ADCY3: variants seen among roughly 807,000 people sequenced by gnomAD.
ADCY3 encodes adenylate cyclase type 3.
A neutral mutation model predicts 119.4 loss-of-function variants in ADCY3; 70 were observed. The observed-to-expected ratio is 0.59, with a 90% CI of 0.48 to 0.72. ADCY3 has a LOEUF of 0.72. Ranked by LOEUF, ADCY3 falls within the 30% of genes least tolerant of loss-of-function variation. ADCY3 has a pLI of 0.00. For missense variants in ADCY3, 1,238 were observed against 1,541.6 expected, an observed-to-expected ratio of 0.80 and a Z score of 3.30; for synonymous variants, 672 against 621.4, an observed-to-expected ratio of 1.08 and a Z score of -1.21.
chr2:24,840,076 G>A (rs763219387), intron 6 of ADCY3, 45 bp from the exon 7 acceptor site: 8 of 1,572,048 alleles, frequency 5.1e-6, no homozygotes, highest in Middle Eastern at 1.7e-4. Flanking sequence ...TGGCCTTCAC[G>A]AGGCAGCCAG....
At chr2:24,864,105 G>A (rs1442654459) in intron 3 of ADCY3, among the ~76,000 whole-genome samples, 1 of 152,168 alleles carries the variant, frequency 6.6e-6, no homozygotes, top group Non-Finnish European at 1.5e-5. Flanking sequence ...TGTCTAACAT[G>A]GTGAAACCCC....
At position 24,822,525 on chromosome 2, in the gene ADCY3, C is replaced by G. The variant is rs142423059; in HGVS notation, c.2989G>C (p.Ala997Pro). 1 of 1,613,692 alleles carries G rather than the reference C, an allele frequency of 6.2e-7. No individual in the cohort carries two copies. The highest frequency in any genetic ancestry group is 1.3e-5 in the African/African-American group (1 of 74,898). Reference sequence around the variant, plus strand: ...GGGTTAGCTACCTTGTTGGAGCTGGCAAAGCCATTGGTGTTGACATCGGGG... The same window carrying G: ...GGGTTAGCTACCTTGTTGGAGCTGGGAAAGCCATTGGTGTTGACATCGGGG... ...VTPDVNTNGF[A>P]SSNKEDKSER... The change falls in exon 19 of 22, where the codon GCC becomes CCC. Residue 997 changes from alanine (A) to proline (P), a missense_variant. Physicochemically the swap from Ala to Pro is conservative, Grantham distance 27. This residue lies in a region of ADCY3 where 63 missense variants were observed against 62.8 expected (regional missense o/e 1.00). Coordinates refer to ENST00000679454, the MANE Select transcript of ADCY3 (RefSeq NM_004036.5).
chr2:24,845,316 C>A (rs762771572), intron 3 of ADCY3, among the ~76,000 whole-genome samples: 3 of 152,194 alleles, frequency 2.0e-5, no homozygotes, highest in Non-Finnish European at 4.4e-5. Flanking sequence ...TGGAACCTCC[C>A]AGAGACTTGT....
At chr2:24,862,568 A>T (rs865850856) in intron 3 of ADCY3, among the ~76,000 whole-genome samples, 1 of 151,738 alleles carries the variant, frequency 6.6e-6, no homozygotes, top group African/African-American at 2.4e-5. Context: ...TTAATTAATT[A>T]AAAAAAATAA....
chr2:24,882,809 C>T (rs1277844642), intron 2 of ADCY3, among the ~76,000 whole-genome samples: 1 of 152,216 alleles, frequency 6.6e-6, no homozygotes, highest in Admixed American at 6.5e-5. Flanking sequence ...GTAATTCCAG[C>T]ACTTTGGGAG....
chr2:24,849,758 G>C (rs575007406), intron 3 of ADCY3, among the ~76,000 whole-genome samples: 29 of 152,282 alleles, frequency 1.9e-4, no homozygotes, highest in Admixed American at 1.0e-3. Context: ...GAAAGGAGGA[G>C]GGGGGTCTGG....
chr2:24,842,717 C>T lies in ADCY3; in HGVS notation c.826-333G>A, dbSNP rs1671167878. On this transcript the variant is annotated intron_variant, in intron 3 of 21. Transcript: ENST00000679454. This position sits in a 1 kb window ranked among gnomAD's most constrained non-coding sequence, Gnocchi z 4.9. ...TGCGTGGGCTGCTGCACCGTGAGCC[C>T]TCCCGGCAGGAGCCCTGCGGGGTCA... The T allele has an allele frequency of 3.2e-6, 1 of 309,832 alleles. No individual in the cohort carries two copies. The highest frequency in any genetic ancestry group is 6.3e-6 in the Non-Finnish European group (1 of 158,928). 19.2% of individuals were successfully genotyped at this position (309,832 alleles called of 1,614,324 possible). A position where few individuals can be genotyped will look rare whatever the true frequency, so the allele number is the denominator to read the frequency against.
At chr2:24,907,582 AGAAG>A (rs1558523193) in intron 2 of ADCY3, among the ~76,000 whole-genome samples, 7 of 151,922 alleles carry the variant, frequency 4.6e-5, no homozygotes. Context: ...CCTGCTCAGA[AGAAG>A]GAAGAGTCAT....
rs375402321 is a variant in ADCY3 at position 24,864,183 on chromosome 2, G to A, written c.825+8387C>T. Among the ~76,000 whole-genome samples the A allele has an allele frequency of 7.6e-4, 116 of 152,226 alleles. 3 individuals carry two copies. The South Asian group carries it at 0.022, about 29-fold the overall frequency. On this transcript the variant is annotated intron_variant, in intron 3 of 21. Coordinates refer to ENST00000679454, the MANE Select transcript of ADCY3 (RefSeq NM_004036.5). ...TGGGCACCTGTAATCCCAGCTACTC[G>A]GGACGCTGAAGCAGGAGAATAGCTT... is the stretch of plus-strand genomic sequence containing the variant.
rs192555963 is a variant in ADCY3 at position 24,855,982 on chromosome 2, A to G, written c.826-13598T>C. 9.2e-5 allele frequency among the ~76,000 whole-genome samples: 14 copies of G among 152,312 alleles called. 1 individual carries two copies. In the East Asian group the frequency reaches 2.7e-3, roughly 29 times the overall value. On this transcript the variant is annotated intron_variant, in intron 3 of 21. Coordinates refer to ENST00000679454, the MANE Select transcript of ADCY3 (RefSeq NM_004036.5). The stretch of plus-strand genomic sequence containing the variant: ...GGGGGAGGCAGCCAGCACTGTTCCC[A>G]GGGGCCCGAGCTGTTACAGCTGAGG...
intron 3 of ADCY3, among the ~76,000 whole-genome samples, chr2:24,867,842 G>A (rs1231001975): frequency 1.3e-5 from 2 of 152,128 alleles, no homozygotes; most frequent in Non-Finnish European, 2.9e-5. Context: ...GACTTGTGGG[G>A]TTTAAAATAT....
intron 11 of ADCY3, among the ~76,000 whole-genome samples, chr2:24,832,810 A>G (rs1172821621): frequency 6.6e-6 from 1 of 152,072 alleles, no homozygotes; most frequent in Non-Finnish European, 1.5e-5. Context: ...GCTTGTGGGC[A>G]CTGCAAACTT....
intron 19 of ADCY3, chr2:24,821,885 A>G (rs3198665): frequency 0.59 from 274,265 of 466,170 alleles, 82,914 homozygotes; most frequent in Admixed American, 0.72. Context: ...GAGTCTGACC[A>G]CGAGGCGGAC....
intron 2 of ADCY3, among the ~76,000 whole-genome samples, chr2:24,880,947 G>A (rs1200663816): frequency 5.3e-5 from 8 of 151,820 alleles, no homozygotes; most frequent in African/African-American, 4.8e-5. Context: ...CCCGGGAGGC[G>A]GAGGTTGCAG....
chr2:24,917,055 C>T (rs1664547372), intron 2 of ADCY3, among the ~76,000 whole-genome samples: 1 of 152,270 alleles, frequency 6.6e-6, no homozygotes, highest in Admixed American at 6.5e-5. Flanking sequence ...TGTTAACATC[C>T]TCTACCCATT....
chr2:24,841,395 G>A lies in ADCY3; in HGVS notation c.1069-9C>T. The stretch of plus-strand genomic sequence containing the variant: ...CGCAGCTGGTGGTATTTCTGAAAGG[G>A]GAGGGCCTGGCCTGTGCTCCAGCCC... On this transcript the variant is annotated splice_polypyrimidine_tract_variant and intron_variant, in intron 5 of 21. Transcript: ENST00000679454. The surrounding 1 kb of genome is among the most constrained non-coding windows in gnomAD (Gnocchi z 5.8). The A allele has an allele frequency of 6.2e-7, 1 of 1,610,762 alleles. No individual in the cohort carries two copies. The highest frequency in any genetic ancestry group is 8.5e-7 in the Non-Finnish European group (1 of 1,178,778).
At chr2:24,827,513 G>A in intron 15 of ADCY3, 33 bp downstream of exon 15, 1 of 1,565,522 alleles carries the variant, frequency 6.4e-7, no homozygotes, top group Non-Finnish European at 8.7e-7. Flanking sequence ...AGGGCTGTGA[G>A]TGCAGGCCAG....
In ADCY3 at chr2:24,822,649, AAAG is replaced by A. The variant is rs776095938; in HGVS notation, c.2884-22_2884-20del. ...CCAGGAGCTGAGGCCAGGATTCAGGAAAGAATTGTCAGCAGTCAAGGGAGAGGA... is the reference window on the plus strand; with the variant it reads ...CCAGGAGCTGAGGCCAGGATTCAGGAAATTGTCAGCAGTCAAGGGAGAGGA... On this transcript the variant is annotated intron_variant, in intron 18 of 21. Coordinates refer to ENST00000679454, the MANE Select transcript of ADCY3 (RefSeq NM_004036.5). 2.5e-6 allele frequency: 4 copies of A among 1,612,592 alleles called. No homozygotes were observed. In the African/African-American group the frequency reaches 5.3e-5, roughly 22 times the overall value.
At chr2:24,849,482 A>T (rs2148642246) in intron 3 of ADCY3, among the ~76,000 whole-genome samples, 1 of 152,198 alleles carries the variant, frequency 6.6e-6, no homozygotes, top group Admixed American at 6.5e-5. Flanking sequence ...GGGAATTTCC[A>T]TTTTTTTCCC....
Sources: gnomAD v4.1 joint callset for allele counts (sites outside exome capture counted in the v4.1 genomes callset) on GRCh38, gnomAD v4.1.1 for gene constraint, gnomAD v4.1.1 regional missense constraint, Gnocchi (gnomAD v3.1) non-coding constraint, MANE v1.5 for transcripts, NCBI Gene and HGNC (gene_info 2026-07-23, HGNC 2026-07-21) for gene names.